CDH18: variants seen among roughly 807,000 people sequenced by gnomAD.
CDH18 encodes cadherin-18.
In CDH18, 31 loss-of-function variants were observed where a neutral mutation model predicts 67.9. The observed-to-expected ratio is 0.46, with a 90% CI of 0.34 to 0.62. The LOEUF (loss-of-function observed/expected upper bound fraction) is 0.62. CDH18 is among the 20% of genes least tolerant of loss of function. The probability of loss-of-function intolerance (pLI) is 0.01; values close to 1 mark genes in which losing one functional copy is unlikely to be tolerated. For synonymous variants in CDH18, 362 were observed against 347.2 expected (o/e 1.04, Z -0.48); for missense variants, 890 against 975.5 (o/e 0.91, Z 1.17).
At chr5:19,677,964 T>C (rs1001481031) in intron 5 of CDH18, among the ~76,000 whole-genome samples, 2 of 151,766 alleles carry the variant, frequency 1.3e-5, no homozygotes, top group African/African-American at 4.8e-5. Flanking sequence ...GTTATATATA[T>C]AAAACACAGG....
intron 1 of CDH18, among the ~76,000 whole-genome samples, chr5:20,498,176 C>T (rs996204715): frequency 2.0e-5 from 3 of 151,798 alleles, no homozygotes; most frequent in Non-Finnish European, 4.4e-5. Context: ...CTATACTTTG[C>T]GGATTAGTAA....
intron 8 of CDH18, among the ~76,000 whole-genome samples, chr5:19,551,410 A>C (rs1163679219): frequency 6.6e-6 from 1 of 152,178 alleles, no homozygotes; most frequent in Non-Finnish European, 1.5e-5. Context: ...TAGTAAGATA[A>C]TCACTCCAGG....
At position 20,304,653 on chromosome 5, in the gene CDH18, C is replaced by T. The variant is rs1736260808; in HGVS notation, c.-579-49148G>A. On this transcript the variant is annotated intron_variant, in intron 1 of 14. Transcript: ENST00000507958. ...TGCCGAAATTAAATGAGGCACTTGT[C>T]GCTCCTAGTGATGATGGGTCCGTTT... is the stretch of plus-strand genomic sequence containing the variant. The T allele has an allele frequency of 3.7e-6, 6 of 1,611,788 alleles. No homozygotes were observed. In the African/African-American group the frequency reaches 4.0e-5, roughly 11 times the overall value.
chr5:20,165,872 T>C (rs181804318), intron 2 of CDH18, among the ~76,000 whole-genome samples: 11 of 152,260 alleles, frequency 7.2e-5, no homozygotes, highest in Non-Finnish European at 1.5e-4. Flanking sequence ...AATAATTCTA[T>C]ATATTAGCAC....
chr5:20,291,007 A>C (rs1580678912), intron 1 of CDH18, among the ~76,000 whole-genome samples: 1 of 152,232 alleles, frequency 6.6e-6, no homozygotes, highest in Middle Eastern at 3.4e-3. Flanking sequence ...TGAAATGGAC[A>C]AGGGAAAAAT....
chr5:19,606,453 T>C lies in CDH18; in HGVS notation c.811+5981A>G, dbSNP rs536816819. Among the ~76,000 whole-genome samples the C allele has an allele frequency of 6.6e-5, 10 of 152,200 alleles. No individual in the cohort carries two copies. The South Asian group carries it at 1.9e-3, about 28-fold the overall frequency. ...TTTAAATAAAGAAAAGGGTGGGGAATTTCAACAGATACCAATAATCTTTAT... is the reference window on the plus strand; with the variant it reads ...TTTAAATAAAGAAAAGGGTGGGGAACTTCAACAGATACCAATAATCTTTAT... On this transcript the variant is annotated intron_variant, in intron 6 of 12. Transcript: ENST00000382275.
At chr5:19,625,054 A>G (rs1229397222) in intron 5 of CDH18, among the ~76,000 whole-genome samples, 2 of 151,610 alleles carry the variant, frequency 1.3e-5, no homozygotes, top group East Asian at 1.9e-4. Context: ...AAAAAAAAAA[A>G]GATAATTAAA....
At chr5:20,102,225 TGTGTGTG>T (rs2150578069) in intron 2 of CDH18, among the ~76,000 whole-genome samples, 1 of 128,302 alleles carries the variant, frequency 7.8e-6, no homozygotes, top group East Asian at 2.1e-4. Flanking sequence ...AGTGTGTGTG[TGTGTGTG>T]TGTGTGTGTG....
chr5:20,265,509 A>C (rs1032603778), intron 1 of CDH18, among the ~76,000 whole-genome samples: 9 of 152,210 alleles, frequency 5.9e-5, no homozygotes, highest in African/African-American at 2.2e-4. Flanking sequence ...CAGGAATATA[A>C]GGCTCAGGGG....
chr5:20,163,892 C>T (rs4289563), intron 2 of CDH18, among the ~76,000 whole-genome samples: 88,196 of 152,034 alleles, frequency 0.58, 25,622 homozygotes, highest in Middle Eastern at 0.69. Flanking sequence ...TAAATATTGA[C>T]ATTTGCACAA....
At chr5:20,138,053 C>T (rs1186253322) in intron 2 of CDH18, among the ~76,000 whole-genome samples, 1 of 151,728 alleles carries the variant, frequency 6.6e-6, no homozygotes, top group African/African-American at 2.4e-5. Context: ...AACATTGATG[C>T]AAAAATCCTC....
At chr5:20,426,437 C>G (rs1748306247) in intron 1 of CDH18, among the ~76,000 whole-genome samples, 1 of 151,020 alleles carries the variant, frequency 6.6e-6, no homozygotes, top group South Asian at 2.1e-4. Flanking sequence ...TTATACCAGT[C>G]TTCTATTTAT....
At chr5:19,692,306 T>C (rs1313971699) in intron 5 of CDH18, among the ~76,000 whole-genome samples, 2 of 152,090 alleles carry the variant, frequency 1.3e-5, no homozygotes, top group African/African-American at 4.8e-5. Flanking sequence ...TGAAACATTT[T>C]AGGACATTGG....
At chr5:20,268,308 T>C (rs1484172457) in intron 1 of CDH18, among the ~76,000 whole-genome samples, 7 of 152,180 alleles carry the variant, frequency 4.6e-5, no homozygotes, top group Admixed American at 4.6e-4. Context: ...GTTGAATCTT[T>C]AGGTTTTTCT....
At chr5:19,838,704 T>C in intron 3 of CDH18, 55 bp downstream of exon 3, 1 of 1,225,450 alleles carries the variant, frequency 8.2e-7, no homozygotes, top group Non-Finnish European at 1.2e-6. Flanking sequence ...CATGAGCTCA[T>C]CTTACCCCAC....
At chr5:20,170,323 C>A (rs958035315) in intron 2 of CDH18, among the ~76,000 whole-genome samples, 4 of 152,054 alleles carry the variant, frequency 2.6e-5, no homozygotes, top group Non-Finnish European at 4.4e-5. Flanking sequence ...TAATGGCTTC[C>A]AGCTCCATCT....
intron 1 of CDH18, among the ~76,000 whole-genome samples, chr5:20,270,280 A>ATAT (rs1745340078): frequency 6.6e-6 from 1 of 152,126 alleles, no homozygotes; most frequent in African/African-American, 2.4e-5. Context: ...TAGAATATAA[A>ATAT]CAATATTTTA....
intron 2 of CDH18, among the ~76,000 whole-genome samples, chr5:20,031,298 G>A (rs920145517): frequency 2.6e-5 from 4 of 152,082 alleles, no homozygotes; most frequent in Non-Finnish European, 4.4e-5. Flanking sequence ...GGGAAGAAAA[G>A]ATAGACTTGA....
At chr5:20,559,569 G>T (rs969340073) in intron 1 of CDH18, among the ~76,000 whole-genome samples, 1 of 151,838 alleles carries the variant, frequency 6.6e-6, no homozygotes. Context: ...CTTAGTATGC[G>T]CTCAAAAAGA....
Sources: gnomAD v4.1 joint callset for allele counts (sites outside exome capture counted in the v4.1 genomes callset) on GRCh38, gnomAD v4.1.1 for gene constraint, MANE v1.5 for transcripts, NCBI Gene and HGNC (gene_info 2026-07-23, HGNC 2026-07-21) for gene names.